SELENOI: variants seen among roughly 807,000 people sequenced by gnomAD.
SELENOI encodes the protein selenoprotein I.
In SELENOI, 24 loss-of-function variants were observed where a neutral mutation model predicts 50.7. The observed-to-expected ratio is 0.47, with a 90% CI of 0.34 to 0.67. SELENOI has a LOEUF of 0.67. Among genes scored for constraint, SELENOI ranks in the 30% least tolerant of loss-of-function variants. The probability of loss-of-function intolerance (pLI) is 0.01; values close to 1 mark genes in which losing one functional copy is unlikely to be tolerated. For synonymous variants in SELENOI, 155 were observed against 170.2 expected (o/e 0.91, Z 0.70); for missense variants, 352 against 461.4 (o/e 0.76, Z 2.17).
At chr2:26,371,324 C>T (rs1340209806) in intron 4 of SELENOI, among the ~76,000 whole-genome samples, 4 of 151,882 alleles carry the variant, frequency 2.6e-5, no homozygotes, top group Middle Eastern at 6.8e-3. Context: ...AGAGGCGCTC[C>T]TCACATCCCA....
In SELENOI at chr2:26,390,259, A is replaced by G. The variant is rs1677934928; in HGVS notation, c.*1156A>G. On this transcript the variant is annotated 3_prime_UTR_variant, in exon 10 of 10. Transcript: ENST00000260585. ...CCTTTAATTGTAGTGTAGTTGTTCT[A>G]TAAACCATATTTTTTCATGATGTGG... 6.6e-6 allele frequency: 1 copy of G among 152,322 alleles called. No individual in the cohort carries two copies. Among genetic ancestry groups the G allele is most frequent in the African/African-American group, 2.4e-5 (1 of 41,328 alleles). 9.4% of individuals were successfully genotyped at this position (152,322 alleles called of 1,614,324 possible).
intron 4 of SELENOI, among the ~76,000 whole-genome samples, chr2:26,368,818 A>C (rs1171628862): frequency 6.6e-6 from 1 of 152,252 alleles, no homozygotes; most frequent in African/African-American, 2.4e-5. Flanking sequence ...TTGTTAAGCC[A>C]GTAAATAATG....
At chr2:26,380,384 T>C (rs78094695) in intron 6 of SELENOI, among the ~76,000 whole-genome samples, 96 of 152,338 alleles carry the variant, frequency 6.3e-4, no homozygotes, top group Non-Finnish European at 1.2e-3. Context: ...TACTGTACTA[T>C]GTACTGTGCC....
At chr2:26,381,583 C>T (rs983656948) in intron 6 of SELENOI, among the ~76,000 whole-genome samples, 2 of 152,168 alleles carry the variant, frequency 1.3e-5, no homozygotes, top group African/African-American at 2.4e-5. Flanking sequence ...CTATTTCCAA[C>T]ACCTCAGAGC....
chr2:26,350,841 GGA>G (rs141682950), intron 1 of SELENOI, among the ~76,000 whole-genome samples: 3 of 151,804 alleles, frequency 2.0e-5, no homozygotes, highest in African/African-American at 4.8e-5. Flanking sequence ...ATAGAGAGAA[GGA>G]GAGAGAGAGA....
chr2:26,382,824 A>T lies in SELENOI; in HGVS notation c.683-475A>T, dbSNP rs73920268. 6.2e-3 allele frequency among the ~76,000 whole-genome samples: 940 copies of T among 151,932 alleles called. 10 individuals carry two copies. The highest frequency in any genetic ancestry group is 0.021 in the African/African-American group (881 of 41,422). ...TGGAATATAGCCAGACCCTGTTTCC[A>T]TAAAAAAAAAAAAGCTAGGAAGGTA... On this transcript the variant is annotated intron_variant, in intron 6 of 9. Transcript: ENST00000260585.
At chr2:26,346,548 A>T (rs533211073) in intron 1 of SELENOI, 87 of 386,700 alleles carry the variant, frequency 2.2e-4, no homozygotes, top group African/African-American at 1.7e-3. Flanking sequence ...GGAGCGAGGG[A>T]ATTCCCTTCC....
intron 9 of SELENOI, 85 bp downstream of exon 9, chr2:26,386,621 A>G (rs975593559): frequency 2.6e-6 from 3 of 1,174,624 alleles, no homozygotes; most frequent in Admixed American, 3.5e-5. Context: ...GAGGCAATGG[A>G]AAATTTTAAA....
At chr2:26,375,232 C>T in intron 6 of SELENOI, 84 bp downstream of exon 6, 1 of 807,458 alleles carries the variant, frequency 1.2e-6, no homozygotes, top group South Asian at 1.8e-5. Context: ...AGCAACAACA[C>T]CCTTTGCCTC....
rs1482155511 is a variant in SELENOI, at chr2:26,393,886, TGAG to T, written c.*4787_*4789del. 6.6e-6 allele frequency: 1 copy of T among 152,232 alleles called. No homozygotes were observed. Among genetic ancestry groups the T allele is most frequent in the Non-Finnish European group, 1.5e-5 (1 of 68,032 alleles). The allele number at this position is 152,232 out of a possible 1,614,324, so 9.4% of individuals were successfully genotyped here. A position where few individuals can be genotyped will look rare whatever the true frequency, so the allele number is the denominator to read the frequency against. ...TGTCTGTTTGGCTAATGTCTTCTCTTGAGGAGTTTCTATGGGTAGCAATTAAAA... is the reference window on the plus strand; with the variant it reads ...TGTCTGTTTGGCTAATGTCTTCTCTTGAGTTTCTATGGGTAGCAATTAAAA... On this transcript the variant is annotated 3_prime_UTR_variant, in exon 10 of 10. Transcript: ENST00000260585.
At chr2:26,362,081 T>C (rs781556489) in intron 1 of SELENOI, among the ~76,000 whole-genome samples, 36 of 152,102 alleles carry the variant, frequency 2.4e-4, no homozygotes, top group Non-Finnish European at 4.1e-4. Context: ...ATTTGGCTTA[T>C]TGGTTGACTC....
chr2:26,367,577 T>G (rs756033688), intron 4 of SELENOI, among the ~76,000 whole-genome samples: 1 of 152,224 alleles, frequency 6.6e-6, no homozygotes. Context: ...CAACAAAGAC[T>G]GTATGGCCTG....
intron 8 of SELENOI, 96 bp downstream of exon 8, chr2:26,385,235 T>C (rs541533482): frequency 1.4e-6 from 1 of 735,540 alleles, no homozygotes; most frequent in South Asian, 4.8e-5. Flanking sequence ...ATAAACAGAT[T>C]TTAACTTAAA....
At chr2:26,371,706 C>G (rs548239248) in intron 4 of SELENOI, among the ~76,000 whole-genome samples, 28 of 152,366 alleles carry the variant, frequency 1.8e-4, no homozygotes, top group African/African-American at 6.5e-4. Context: ...CAAAAAAATA[C>G]GAAAACCAGT....
At chr2:26,386,146 C>T (rs1269059907) in intron 8 of SELENOI, among the ~76,000 whole-genome samples, 1 of 152,076 alleles carries the variant, frequency 6.6e-6, no homozygotes, top group Non-Finnish European at 1.5e-5. Context: ...CCTCTTCTGA[C>T]ACACACTCTG....
At position 26,346,168 on chromosome 2, in the gene SELENOI, G is replaced by A. The variant is rs556073630; in HGVS notation, c.-65G>A. On this transcript the variant is annotated 5_prime_UTR_variant, in exon 1 of 10. Coordinates refer to ENST00000260585, the MANE Select transcript of SELENOI (RefSeq NM_033505.4). ...GCCATCCTTGCCCAGCCGGTGTGGT[G>A]CTTGTGTGTCACAGCCTTGTAGCCG... The A allele has an allele frequency of 1.2e-6, 2 of 1,611,534 alleles. No homozygotes were observed. The highest frequency in any genetic ancestry group is 2.2e-5 in the East Asian group (1 of 44,832).
chr2:26,347,219 C>T (rs1676807109), intron 1 of SELENOI, among the ~76,000 whole-genome samples: 1 of 152,178 alleles, frequency 6.6e-6, no homozygotes, highest in Non-Finnish European at 1.5e-5. Context: ...GCCCTCCCTA[C>T]GTGCCCCTTT....
chr2:26,357,732 AT>A (rs755510198), intron 1 of SELENOI, among the ~76,000 whole-genome samples: 2 of 152,084 alleles, frequency 1.3e-5, no homozygotes, highest in South Asian at 4.1e-4. Context: ...CCTTTGTAGT[AT>A]TTATCACAAA....
At chr2:26,371,533 G>C (rs541925722) in intron 4 of SELENOI, among the ~76,000 whole-genome samples, 2 of 151,962 alleles carry the variant, frequency 1.3e-5, no homozygotes, top group Non-Finnish European at 2.9e-5. Flanking sequence ...AGGTTGTAGC[G>C]AGCCGAGATC....
Sources: gnomAD v4.1 joint callset for allele counts (sites outside exome capture counted in the v4.1 genomes callset) on GRCh38, gnomAD v4.1.1 for gene constraint, MANE v1.5 for transcripts, NCBI Gene and HGNC (gene_info 2026-07-23, HGNC 2026-07-21) for gene names.